Variants in RIMBP2 observed in about 807,000 individuals in gnomAD.
RIMBP2 encodes RIMS binding protein 2, also known as RIMS-binding protein 2.
A neutral mutation model predicts 118.6 loss-of-function variants in RIMBP2; 48 were observed. The ratio of observed to expected loss-of-function variants is 0.40; its 90% CI spans 0.32 to 0.51. The LOEUF is 0.51. RIMBP2 is among the 20% of genes least tolerant of loss of function. The pLI is 0.41. For missense variants in RIMBP2, 1,551 were observed against 1,768.3 expected, an observed-to-expected ratio of 0.88 and a Z score of 2.20; for synonymous variants, 762 against 742.9, an observed-to-expected ratio of 1.03 and a Z score of -0.42.
intron 1 of RIMBP2, among the ~76,000 whole-genome samples, chr12:130,671,605 C>T (rs1467910983): frequency 1.3e-5 from 2 of 152,120 alleles, no homozygotes; most frequent in Non-Finnish European, 2.9e-5. Context: ...TCAACACTGT[C>T]GAAACTGTGG....
chr12:130,564,967 C>G (rs1000882567), intron 2 of RIMBP2, among the ~76,000 whole-genome samples: 1 of 152,154 alleles, frequency 6.6e-6, no homozygotes, highest in East Asian at 1.9e-4. Flanking sequence ...ACAGTGATAA[C>G]ATGAATGTGT....
chr12:130,712,522 G>A (rs77949280), intron 1 of RIMBP2, among the ~76,000 whole-genome samples: 1 of 152,110 alleles, frequency 6.6e-6, no homozygotes. Flanking sequence ...CCCGCTGGGA[G>A]GTCTCCAGGG....
At position 130,671,547 on chromosome 12, in the gene RIMBP2, A is replaced by T. The variant is rs536539596; in HGVS notation, c.-351-43091T>A. Among the ~76,000 whole-genome samples, 22 of 152,270 alleles carry T rather than the reference A, an allele frequency of 1.4e-4. 1 individual carries two copies. In the Middle Eastern group the frequency reaches 0.01, roughly 71 times the overall value. On this transcript the variant is annotated intron_variant, in intron 1 of 22. Coordinates refer to ENST00000690449, the MANE Select transcript of RIMBP2 (RefSeq NM_001393629.1). ...AGTGCCTAGATGGGTACCTATGAAC[A>T]CGAACCTCCCCACCCCAAAGATTTG...
intron 1 of RIMBP2, among the ~76,000 whole-genome samples, chr12:130,704,768 A>G (rs968532480): frequency 6.6e-6 from 1 of 152,010 alleles, no homozygotes; most frequent in Non-Finnish European, 1.5e-5. Context: ...CCAGCCAGAG[A>G]GCACCTGCAA....
At chr12:130,567,231 C>G (rs1422140295) in intron 2 of RIMBP2, among the ~76,000 whole-genome samples, 1 of 152,168 alleles carries the variant, frequency 6.6e-6, no homozygotes, top group Non-Finnish European at 1.5e-5. Context: ...TCAGAAGAAG[C>G]AACCGTGGAT....
At chr12:130,599,771 C>T (rs949525553) in intron 2 of RIMBP2, among the ~76,000 whole-genome samples, 9 of 152,284 alleles carry the variant, frequency 5.9e-5, no homozygotes, top group African/African-American at 1.4e-4. Flanking sequence ...TGCACACCTA[C>T]GTATATCCAG....
intron 2 of RIMBP2, among the ~76,000 whole-genome samples, chr12:130,535,732 T>TATATACAC (rs2053978497): frequency 5.1e-5 from 1 of 19,484 alleles, no homozygotes; most frequent in Non-Finnish European, 1.9e-4. Context: ...TATATACATA[T>TATATACAC]ATATACATAT....
chr12:130,405,642 G>A (rs1177781423), intron 21 of RIMBP2, among the ~76,000 whole-genome samples: 1 of 149,304 alleles, frequency 6.7e-6, no homozygotes, highest in East Asian at 2.0e-4. Flanking sequence ...GGGTGGCTCT[G>A]AGGTCCCTGC....
At chr12:130,631,588 G>T (rs1446541867) in intron 1 of RIMBP2, among the ~76,000 whole-genome samples, 2 of 151,704 alleles carry the variant, frequency 1.3e-5, no homozygotes, top group South Asian at 4.2e-4. Context: ...ACCCTGAAAG[G>T]CAAAACTGCC....
At chr12:130,459,225 ATGG>A (rs919581717) in intron 6 of RIMBP2, among the ~76,000 whole-genome samples, 1 of 151,380 alleles carries the variant, frequency 6.6e-6, no homozygotes, top group African/African-American at 2.4e-5. Context: ...TGTACAGCTG[ATGG>A]TGGTGGTGGT....
At chr12:130,691,517 C>T (rs920228135) in intron 1 of RIMBP2, among the ~76,000 whole-genome samples, 3 of 152,092 alleles carry the variant, frequency 2.0e-5, no homozygotes, top group African/African-American at 7.2e-5. Context: ...AAAAAAAATA[C>T]AAAAATTAGC....
chr12:130,508,593 T>C (rs2050591894), intron 3 of RIMBP2, among the ~76,000 whole-genome samples: 1 of 151,912 alleles, frequency 6.6e-6, no homozygotes, highest in Non-Finnish European at 1.5e-5. Flanking sequence ...ACGAAACCCT[T>C]GCCTTCACCC....
In RIMBP2 at chr12:130,442,597, T is replaced by C. The variant is rs377169259; in HGVS notation, c.755A>G (p.Asn252Ser). Residue 252 changes from asparagine to serine, a missense_variant, in exon 11 of 23, where the codon AAC (asparagine) becomes AGC (serine). Physicochemically the swap from Asn to Ser is conservative, Grantham distance 46. Around this residue, in one of 5 missense-constraint regions of RIMBP2, gnomAD observed 265 missense variants for 349.5 expected, o/e 0.76. Transcript: ENST00000690449. The surrounding 1 kb of genome is among the most constrained non-coding windows in gnomAD (Gnocchi z 6.9). ...CAGCGTGCTTGCCAACCGCGACTCG[T>C]TGTCCTGCACAAAGTCCACGAAGTT... The part of the protein sequence containing the change: ...PSNFVDFVQD[N>S]ESRLASTLGN... 8 of 1,614,044 alleles carry C rather than the reference T, an allele frequency of 5.0e-6. No individual in the cohort carries two copies. The African/African-American group carries it at 9.3e-5, about 19-fold the overall frequency.
At chr12:130,643,800 C>G (rs2141041731) in intron 1 of RIMBP2, among the ~76,000 whole-genome samples, 1 of 152,304 alleles carries the variant, frequency 6.6e-6, no homozygotes, top group East Asian at 1.9e-4. Context: ...AGGCAAGAAA[C>G]ACGCAAGCAG....
intron 4 of RIMBP2, among the ~76,000 whole-genome samples, chr12:130,499,620 C>G (rs1260561573): frequency 6.6e-6 from 1 of 152,176 alleles, no homozygotes; most frequent in Non-Finnish European, 1.5e-5. Context: ...TTCTCAGACA[C>G]AGCAGGCATT....
intron 4 of RIMBP2, among the ~76,000 whole-genome samples, chr12:130,479,896 C>G (rs1396137745): frequency 1.3e-5 from 2 of 151,792 alleles, no homozygotes; most frequent in East Asian, 2.0e-4. Flanking sequence ...CCTATTTGCC[C>G]TCTGCGGGCC....
chr12:130,449,155 T>C (rs1170675223), intron 9 of RIMBP2, among the ~76,000 whole-genome samples: 2 of 152,206 alleles, frequency 1.3e-5, no homozygotes, highest in Non-Finnish European at 2.9e-5. Context: ...CTCAGAGCTG[T>C]TGGAGCATCT....
chr12:130,436,799 T>G, intron 13 of RIMBP2, 43 bp downstream of exon 13: 3 of 1,333,744 alleles, frequency 2.2e-6, no homozygotes, highest in African/African-American at 1.5e-5. Flanking sequence ...TCCCGTGGGG[T>G]TTGGGGACTG....
In RIMBP2 at chr12:130,434,948, AT is replaced by A. The variant is rs2137000077; in HGVS notation, c.2107-69del. 1 of 1,504,616 alleles carries A rather than the reference AT, an allele frequency of 6.6e-7. No homozygotes were observed. The highest frequency in any genetic ancestry group is 1.3e-5 in the South Asian group (1 of 78,094). The allele number at this position is 1,504,616 out of a possible 1,614,324, so 93.2% of individuals were successfully genotyped here. A position where few individuals can be genotyped will look rare whatever the true frequency, so the allele number is the denominator to read the frequency against. On this transcript the variant is annotated intron_variant, in intron 13 of 22. Coordinates refer to ENST00000690449, the MANE Select transcript of RIMBP2 (RefSeq NM_001393629.1). This position sits in a 1 kb window ranked among gnomAD's most constrained non-coding sequence, Gnocchi z 5.7. ...TTCAGCTACGCTCAGCCCCACCTGC[AT>A]TCACCAAACCTTCAGCCCCTCAGAG...
Sources: gnomAD v4.1 joint callset for allele counts (sites outside exome capture counted in the v4.1 genomes callset) on GRCh38, gnomAD v4.1.1 for gene constraint, gnomAD v4.1.1 regional missense constraint, Gnocchi (gnomAD v3.1) non-coding constraint, MANE v1.5 for transcripts, NCBI Gene and HGNC (gene_info 2026-07-23, HGNC 2026-07-21) for gene names.